FRMD5: variants seen among roughly 807,000 people sequenced by gnomAD.
The protein encoded by FRMD5 is FERM domain containing 5.
A neutral mutation model predicts 69.0 loss-of-function variants in FRMD5; 20 were observed. The observed-to-expected ratio is 0.29, with a 90% confidence interval of 0.20 to 0.42. The LOEUF is 0.42. FRMD5 is among the 10% of genes least tolerant of loss of function. The pLI, the probability that FRMD5 is intolerant of heterozygous loss-of-function variation, is 1.00. For synonymous variants in FRMD5, 271 were observed against 260.1 expected, an observed-to-expected ratio of 1.04 and a Z score of -0.40; for missense variants, 595 against 708.6, an observed-to-expected ratio of 0.84 and a Z score of 1.82.
chr15:43,940,088 A>C (rs1446099140), intron 1 of FRMD5, among the ~76,000 whole-genome samples: 1 of 152,188 alleles, frequency 6.6e-6, no homozygotes, highest in Non-Finnish European at 1.5e-5. Flanking sequence ...GCGGAGAGAC[A>C]ATCACTTGAA....
intron 1 of FRMD5, among the ~76,000 whole-genome samples, chr15:44,133,087 C>A (rs2077127057): frequency 6.6e-6 from 1 of 151,620 alleles, no homozygotes; most frequent in African/African-American, 2.4e-5. Context: ...TACCACTGAA[C>A]TTAAAAATGA....
At position 44,195,021 on chromosome 15, in the gene FRMD5, T is replaced by C. The variant is rs1313541515; in HGVS notation, c.34A>G (p.Ser12Gly). 6.4e-7 allele frequency: 1 copy of C among 1,556,822 alleles called. No individual in the cohort carries two copies. Among genetic ancestry groups the C allele is most frequent in the South Asian group, 1.2e-5 (1 of 85,344 alleles). ...LSRLMSGSSRSLEREYSCTVR... is the reference protein window; with the variant it reads ...LSRLMSGSSRGLEREYSCTVR... ...GTGCAGCTGTACTCGCGCTCCAGGC[T>C]CCTGCTGCTGCCGCTCATCAACCTG... Residue 12 changes from serine (S) to glycine (G), a missense_variant, in exon 1 of 14, where the codon AGC (serine) becomes GGC (glycine). Around this residue, in one of 5 missense-constraint regions of FRMD5, gnomAD observed 44 missense variants for 33.6 expected, o/e 1.31. Transcript: ENST00000417257.
At chr15:44,036,316 A>C (rs1329020796) in intron 1 of FRMD5, among the ~76,000 whole-genome samples, 1 of 151,360 alleles carries the variant, frequency 6.6e-6, no homozygotes, top group African/African-American at 2.4e-5. Context: ...GTCCCTCTTC[A>C]CCCTCACGCA....
intron 1 of FRMD5, among the ~76,000 whole-genome samples, chr15:43,996,714 G>GTTT (rs1491101376): frequency 2.1e-5 from 1 of 48,080 alleles, no homozygotes; most frequent in Non-Finnish European, 4.0e-5. Context: ...CTCCTCAGCT[G>GTTT]ATTTTTTTTT....
intron 1 of FRMD5, among the ~76,000 whole-genome samples, chr15:43,942,399 A>G (rs536665556): frequency 4.7e-4 from 71 of 152,114 alleles, no homozygotes; most frequent in Non-Finnish European, 9.3e-4. Context: ...CAACACCGAA[A>G]CTCATTATAG....
chr15:43,932,576 G>C (rs2089693568), intron 1 of FRMD5, among the ~76,000 whole-genome samples: 1 of 152,058 alleles, frequency 6.6e-6, no homozygotes, highest in Non-Finnish European at 1.5e-5. Flanking sequence ...AATTCCAATA[G>C]ACACTATACC....
chr15:44,159,705 T>C (rs1445398636), intron 1 of FRMD5, among the ~76,000 whole-genome samples: 4 of 152,146 alleles, frequency 2.6e-5, no homozygotes, highest in African/African-American at 7.2e-5. Flanking sequence ...TCTGCCAAGT[T>C]TGAAAGCTTG....
upstream of FRMD5, among the ~76,000 whole-genome samples, chr15:44,197,678 C>CAAAATAAA (rs2078321359): frequency 1.2e-5 from 1 of 84,658 alleles, no homozygotes; most frequent in East Asian, 3.3e-4. Context: ...GACTCCATCT[C>CAAAATAAA]AAAAAAAAAA....
chr15:44,177,824 G>T (rs1295272424), intron 1 of FRMD5, among the ~76,000 whole-genome samples: 3 of 152,144 alleles, frequency 2.0e-5, no homozygotes, highest in Admixed American at 6.5e-5. Context: ...AAACTGTAAG[G>T]ACAGAAATCA....
intron 13 of FRMD5, among the ~76,000 whole-genome samples, chr15:43,883,388 G>A (rs774052090): frequency 1.6e-4 from 24 of 152,234 alleles, no homozygotes; most frequent in Non-Finnish European, 3.2e-4. Flanking sequence ...GTGAGCCACC[G>A]CACAGGGCGT....
chr15:44,022,717 G>A (rs1891264792), intron 1 of FRMD5, among the ~76,000 whole-genome samples: 1 of 152,050 alleles, frequency 6.6e-6, no homozygotes, highest in Admixed American at 6.6e-5. Flanking sequence ...GGATAGGCTG[G>A]TTCCAGGATT....
chr15:43,888,061 C>G, intron 10 of FRMD5, 114 bp downstream of exon 10: 1 of 737,236 alleles, frequency 1.4e-6, no homozygotes, highest in Non-Finnish European at 2.3e-6. Flanking sequence ...CTGTCAAGCT[C>G]TTGCCCACTT....
In FRMD5 at chr15:43,896,999, G is replaced by A. The variant is rs544987005; in HGVS notation, c.640-4930C>T. On this transcript the variant is annotated intron_variant, in intron 7 of 13. Transcript: ENST00000417257. ...AAATGAAGAGGAGAAGGAGGAGGAG[G>A]AGGAGGCACCCTGTAAGAGATTTGG... is the stretch of plus-strand genomic sequence containing the variant. Among the ~76,000 whole-genome samples, 6 of 152,242 alleles carry A rather than the reference G, an allele frequency of 3.9e-5. No homozygotes were observed. The South Asian group carries it at 1.2e-3, about 32-fold the overall frequency.
chr15:44,133,212 CAA>C (rs576617043), intron 1 of FRMD5, among the ~76,000 whole-genome samples: 1 of 137,618 alleles, frequency 7.3e-6, no homozygotes, highest in Non-Finnish European at 1.6e-5. Context: ...GACTCCGTCT[CAA>C]AAAAAAAAAT....
intron 1 of FRMD5, among the ~76,000 whole-genome samples, chr15:43,960,484 C>CA: frequency 6.6e-6 from 1 of 152,206 alleles, no homozygotes. Context: ...CTCCCGACCT[C>CA]ATGATCTGCC....
intron 1 of FRMD5, among the ~76,000 whole-genome samples, chr15:44,188,507 T>C (rs1157884357): frequency 6.6e-6 from 1 of 152,210 alleles, no homozygotes; most frequent in Non-Finnish European, 1.5e-5. Flanking sequence ...CCTGGAAGAC[T>C]TGTTAAACAG....
At chr15:44,108,241 C>T (rs1371430369) in intron 1 of FRMD5, among the ~76,000 whole-genome samples, 1 of 152,128 alleles carries the variant, frequency 6.6e-6, no homozygotes, top group African/African-American at 2.4e-5. Flanking sequence ...TGCAGTGGTG[C>T]ACACCTGTAG....
At chr15:44,084,527 A>T (rs1230195277) in intron 1 of FRMD5, among the ~76,000 whole-genome samples, 1 of 152,114 alleles carries the variant, frequency 6.6e-6, no homozygotes, top group Non-Finnish European at 1.5e-5. Flanking sequence ...AAATGTTGAT[A>T]TAAATCTATC....
intron 1 of FRMD5, among the ~76,000 whole-genome samples, chr15:44,168,419 T>C (rs1017047867): frequency 1.3e-5 from 2 of 152,242 alleles, no homozygotes; most frequent in African/African-American, 4.8e-5. Flanking sequence ...TAAGGATTAG[T>C]GGAAGAATCA....
Sources: allele counts gnomAD v4.1 joint callset (sites outside exome capture counted in the v4.1 genomes callset), GRCh38; gene constraint gnomAD v4.1.1; regional missense constraint gnomAD v4.1.1; transcripts MANE v1.5; gene names NCBI Gene and HGNC (gene_info 2026-07-23, HGNC 2026-07-21).